PCM1: variants seen among roughly 807,000 people sequenced by gnomAD.
PCM1 encodes the protein pericentriolar material 1.
A neutral mutation model predicts 241.9 loss-of-function variants in PCM1; 157 were observed. The ratio of observed to expected loss-of-function variants is 0.65; its 90% CI spans 0.57 to 0.74. The LOEUF is 0.74. Ranked by LOEUF, PCM1 falls within the 30% of genes least tolerant of loss-of-function variation. The pLI is 0.00. For missense variants in PCM1, 3,478 were observed against 2,360.1 expected (o/e 1.47, Z -9.81); for synonymous variants, 1,085 against 784.9 (o/e 1.38, Z -6.39).
intron 2 of PCM1, among the ~76,000 whole-genome samples, chr8:17,930,362 C>T (rs1215520806): frequency 6.6e-6 from 1 of 151,700 alleles, no homozygotes; most frequent in Non-Finnish European, 1.5e-5. Context: ...CTTGGCCTCC[C>T]AAAATGCTGG....
chr8:17,947,435 G>C, intron 7 of PCM1, 72 bp downstream of exon 7: 1 of 1,049,658 alleles, frequency 9.5e-7, no homozygotes, highest in East Asian at 2.4e-5. Context: ...GGTGGATGCT[G>C]ATTATTACAT....
chr8:17,950,614 G>T lies in PCM1; in HGVS notation c.962-1G>T, dbSNP rs781031898. ...ATCAGTAGTTACTAATTTCTTTCCA[G>T]TTGTTGCAGAAACTGCAGGTAGCTT... On this transcript the variant is annotated splice_acceptor_variant, in intron 7 of 38. Coordinates refer to ENST00000325083, the MANE Select transcript of PCM1 (RefSeq NM_006197.4). LOFTEE classifies it high-confidence loss of function. 13 of 1,535,086 alleles carry T rather than the reference G, an allele frequency of 8.5e-6. No homozygotes were observed. In the East Asian group the frequency reaches 2.9e-4, roughly 35 times the overall value.
Position 18,029,072 on chromosome 8 carries a change from A to C in PCM1, c.*1410A>C. ...AGGCTAAGGCAGGAGAATAGCCTGA[A>C]CCCGGGAGGTGGAGGTTGCAGGTTG... On this transcript the variant is annotated 3_prime_UTR_variant, in exon 39 of 39. Transcript: ENST00000325083. 1 of 165,112 alleles carries C rather than the reference A, an allele frequency of 6.1e-6. No individual in the cohort carries two copies. Among genetic ancestry groups the C allele is most frequent in the Non-Finnish European group, 1.3e-5 (1 of 78,272 alleles). 10.2% of individuals were successfully genotyped at this position (165,112 alleles called of 1,614,324 possible). A position where few individuals can be genotyped will look rare whatever the true frequency, so the allele number is the denominator to read the frequency against.
In PCM1 at chr8:17,955,476, C is replaced by A; in HGVS notation, c.1295C>A (p.Pro432Gln). The change falls in exon 10 of 39, where the codon CCA becomes CAA. Residue 432 changes from proline to glutamine, a missense_variant. Physicochemically the swap from Pro to Gln is moderately conservative, Grantham distance 76. Transcript: ENST00000325083. The part of the protein sequence containing the change: ...DQHLNNSSSS[P>Q]QRSVDQRSTS... ...GTTGTTGTGCCTTCTTCAGCCTCTC[C>A]ACAAAGGAGTGTCGATCAGAGAAGT... 6.2e-7 allele frequency: 1 copy of A among 1,601,982 alleles called. No individual in the cohort carries two copies. Among genetic ancestry groups the A allele is most frequent in the South Asian group, 1.1e-5 (1 of 88,470 alleles).
chr8:18,019,442 T>C (rs1317032769), intron 36 of PCM1, among the ~76,000 whole-genome samples: 1 of 152,200 alleles, frequency 6.6e-6, no homozygotes, highest in Non-Finnish European at 1.5e-5. Context: ...TTGTATATTT[T>C]ATTTCTATTA....
intron 36 of PCM1, among the ~76,000 whole-genome samples, chr8:18,017,350 C>G (rs1564416346): frequency 1.3e-5 from 2 of 152,180 alleles, no homozygotes; most frequent in Non-Finnish European, 2.9e-5. Context: ...TGACTAGAGT[C>G]TGGTGACTTG....
chr8:18,021,634 T>C (rs2093762126), intron 36 of PCM1, among the ~76,000 whole-genome samples: 1 of 152,192 alleles, frequency 6.6e-6, no homozygotes, highest in Non-Finnish European at 1.5e-5. Flanking sequence ...ATTTTCAAAC[T>C]CGGTGGCACT....
intron 23 of PCM1, 35 bp from the exon 24 acceptor site, chr8:17,980,556 G>A (rs2080358564): frequency 6.5e-7 from 1 of 1,536,524 alleles, no homozygotes; most frequent in Non-Finnish European, 8.8e-7. Flanking sequence ...TGAGTTAGTT[G>A]CAACTGATAA....
chr8:17,972,112 A>C (rs2077054692), intron 22 of PCM1, among the ~76,000 whole-genome samples: 2 of 152,196 alleles, frequency 1.3e-5, no homozygotes, highest in Non-Finnish European at 2.9e-5. Context: ...TTGCCAGTAA[A>C]AGTGGTTTAG....
intron 36 of PCM1, among the ~76,000 whole-genome samples, chr8:18,021,453 C>T (rs561897654): frequency 1.0e-3 from 152 of 152,230 alleles, no homozygotes; most frequent in Admixed American, 1.4e-3. Context: ...TACATTCTTG[C>T]GGTAGTGTAC....
intron 6 of PCM1, among the ~76,000 whole-genome samples, chr8:17,946,296 G>T (rs2129454570): frequency 6.6e-6 from 1 of 152,214 alleles, no homozygotes; most frequent in East Asian, 1.9e-4. Flanking sequence ...AAATAATGAT[G>T]CCTTTGATGA....
chr8:17,932,517 C>T (rs775231863), intron 2 of PCM1, among the ~76,000 whole-genome samples: 1 of 151,772 alleles, frequency 6.6e-6, no homozygotes, highest in African/African-American at 2.4e-5. Flanking sequence ...TTTATATATT[C>T]GTATTTTTTT....
intron 23 of PCM1, among the ~76,000 whole-genome samples, chr8:17,979,189 A>G (rs561316313): frequency 7.9e-5 from 12 of 152,220 alleles, no homozygotes; most frequent in African/African-American, 2.9e-4. Flanking sequence ...GCCAGTGTAC[A>G]TCATTGTAAA....
chr8:17,936,220 A>G (rs973382820), intron 3 of PCM1, among the ~76,000 whole-genome samples: 7 of 152,092 alleles, frequency 4.6e-5, no homozygotes, highest in African/African-American at 1.7e-4. Context: ...TTTGGATTAG[A>G]TATGTGTTTC....
At position 17,955,461 on chromosome 8, in the gene PCM1, C is replaced by T; in HGVS notation, c.1289-9C>T. Reference sequence around the variant, plus strand: ...TAAAAAAAATTTTTTGTTGTTGTGCCTTCTTCAGCCTCTCCACAAAGGAGT... The same window carrying T: ...TAAAAAAAATTTTTTGTTGTTGTGCTTTCTTCAGCCTCTCCACAAAGGAGT... On this transcript the variant is annotated splice_polypyrimidine_tract_variant and intron_variant, in intron 9 of 38. Coordinates refer to ENST00000325083, the MANE Select transcript of PCM1 (RefSeq NM_006197.4). The T allele has an allele frequency of 1.3e-6, 2 of 1,555,334 alleles. No homozygotes were observed. The highest frequency in any genetic ancestry group is 1.7e-6 in the Non-Finnish European group (2 of 1,152,274).
At chr8:17,998,362 C>G (rs2087788700) in intron 29 of PCM1, among the ~76,000 whole-genome samples, 1 of 152,118 alleles carries the variant, frequency 6.6e-6, no homozygotes, top group African/African-American at 2.4e-5. Context: ...TCCAGGTATT[C>G]AAAGGGACTT....
chr8:17,983,705 G>A (rs1390692137), intron 24 of PCM1, among the ~76,000 whole-genome samples: 4 of 152,236 alleles, frequency 2.6e-5, no homozygotes, highest in South Asian at 2.1e-4. Context: ...ATGCAAAGAC[G>A]TGATAAATAA....
Position 17,948,360 on chromosome 8 carries a change from A to G in PCM1, c.961+997A>G, listed in dbSNP as rs2064671857. On this transcript the variant is annotated intron_variant, in intron 7 of 38. Transcript: ENST00000325083. ...TGCTCTGTTGCCCAGGCTGGAGTGC[A>G]ATGGCATGTTCTCGGCTCACTGCAA... is the stretch of plus-strand genomic sequence containing the variant. Among the ~76,000 whole-genome samples the G allele has an allele frequency of 3.2e-5, 4 of 126,880 alleles. No individual in the cohort carries two copies. The South Asian group carries it at 9.7e-4, about 31-fold the overall frequency. The allele number at this position is 126,880 out of a possible 152,430, so 83.2% of individuals were successfully genotyped here.
In PCM1 at chr8:17,967,110, A is replaced by C. The variant is rs925412358; in HGVS notation, c.3352A>C (p.Thr1118Pro). 2 of 1,607,242 alleles carry C rather than the reference A, an allele frequency of 1.2e-6. No individual in the cohort carries two copies. The highest frequency in any genetic ancestry group is 1.7e-6 in the Non-Finnish European group (2 of 1,176,496). Residue 1118 changes from threonine to proline, a missense_variant, in exon 21 of 39, where the codon ACA (threonine) becomes CCA (proline). Thr to Pro is a conservative substitution (Grantham distance 38). Coordinates refer to ENST00000325083, the MANE Select transcript of PCM1 (RefSeq NM_006197.4). The part of the protein sequence containing the change: ...PSLFCPFSFP[T>P]QPVNLFNIPG... ...TTTATTTTGTCCTTTCAGCTTTCCA[A>C]CACAGCCTGTAAATCTCTTCAATAT...
Sources: allele counts gnomAD v4.1 joint callset (sites outside exome capture counted in the v4.1 genomes callset), GRCh38; gene constraint gnomAD v4.1.1; transcripts MANE v1.5; gene names NCBI Gene and HGNC (gene_info 2026-07-23, HGNC 2026-07-21).